The following PARP8 variants were observed in gnomAD, a reference collection of about 807,000 sequenced individuals.
PARP8 encodes poly(ADP-ribose) polymerase family member 8.
PARP8 carries 51 observed loss-of-function variants against 124.1 expected under a neutral mutation model. The observed-to-expected ratio is 0.41, with a 90% CI of 0.33 to 0.52. The LOEUF is 0.52. Among genes scored for constraint, PARP8 ranks in the 20% least tolerant of loss-of-function variants. PARP8 has a pLI of 0.21. For missense variants in PARP8, 860 were observed against 1,018.9 expected (o/e 0.84, Z 2.12); for synonymous variants, 391 against 361.5 (o/e 1.08, Z -0.93).
Position 50,747,087 on chromosome 5 carries a change from T to G in PARP8, c.147-3064T>G, listed in dbSNP as rs180688745. On this transcript the variant is annotated intron_variant, in intron 2 of 25. Transcript: ENST00000281631. ...TTTATGAAATAAAAATGTATCAAAC[T>G]TGGTCTGTTTACTAATCATACTTCT... Among the ~76,000 whole-genome samples the G allele has an allele frequency of 2.0e-4, 30 of 151,872 alleles. No homozygotes were observed. In the East Asian group the frequency reaches 5.0e-3, roughly 25 times the overall value.
intron 14 of PARP8, among the ~76,000 whole-genome samples, chr5:50,803,864 C>CT (rs1205022691): frequency 6.6e-6 from 1 of 151,894 alleles, no homozygotes; most frequent in African/African-American, 2.4e-5. Context: ...CTTCGCATGC[C>CT]TTTTTTATTT....
In PARP8 at chr5:50,759,495, T is replaced by C. The variant is rs1760316903; in HGVS notation, c.185-148T>C. 3 of 857,158 alleles carry C rather than the reference T, an allele frequency of 3.5e-6. No individual in the cohort carries two copies. The East Asian group carries it at 1.0e-4, about 30-fold the overall frequency. 53.1% of individuals were successfully genotyped at this position (857,158 alleles called of 1,614,324 possible). ...ACACATAAATCTGCAATTTACTTTATCATATTTTTTGAGTTTAATCAAACA... is the reference window on the plus strand; with the variant it reads ...ACACATAAATCTGCAATTTACTTTACCATATTTTTTGAGTTTAATCAAACA... On this transcript the variant is annotated intron_variant, in intron 3 of 25. Coordinates refer to ENST00000281631, the MANE Select transcript of PARP8 (RefSeq NM_024615.4).
intron 2 of PARP8, among the ~76,000 whole-genome samples, chr5:50,685,467 C>T (rs1044478551): frequency 6.6e-6 from 1 of 152,184 alleles, no homozygotes; most frequent in Admixed American, 6.5e-5. Flanking sequence ...AGAGGGGGAA[C>T]ATCCTTTCAG....
chr5:50,777,205 TA>T (rs1261384221), intron 7 of PARP8, among the ~76,000 whole-genome samples: 24 of 152,338 alleles, frequency 1.6e-4, no homozygotes, highest in Admixed American at 2.6e-4. Context: ...GAGATGGCAG[TA>T]GTACCTTAGG....
Position 50,733,305 on chromosome 5 carries a change from CA to C in PARP8, c.147-16836del, listed in dbSNP as rs954677810. ...GCTCAAAAAAACAAAAAAACCAAAA[CA>C]AAAAAAAAATAAATGGGCGAAAAAC... is the stretch of plus-strand genomic sequence containing the variant. On this transcript the variant is annotated intron_variant, in intron 2 of 25. Coordinates refer to ENST00000281631, the MANE Select transcript of PARP8 (RefSeq NM_024615.4). Among the ~76,000 whole-genome samples the C allele has an allele frequency of 5.8e-3, 852 of 147,406 alleles. 7 individuals are homozygous for C. The highest frequency in any genetic ancestry group is 0.02 in the African/African-American group (792 of 40,258).
At chr5:50,684,669 C>T (rs1023200445) in intron 2 of PARP8, among the ~76,000 whole-genome samples, 13 of 152,092 alleles carry the variant, frequency 8.5e-5, no homozygotes, top group African/African-American at 3.1e-4. Flanking sequence ...TACTGGTGAA[C>T]CAGTATCTGG....
At position 50,775,495 on chromosome 5, in the gene PARP8, C is replaced by T. The variant is rs112371704; in HGVS notation, c.519-2574C>T. ...ACGGGAGCCCGAGGCAGGGAGGTTGCGGCGAGCCGAGATCAAGGCAGTACG... is the reference window on the plus strand; with the variant it reads ...ACGGGAGCCCGAGGCAGGGAGGTTGTGGCGAGCCGAGATCAAGGCAGTACG... On this transcript the variant is annotated intron_variant, in intron 7 of 25. Coordinates refer to ENST00000281631, the MANE Select transcript of PARP8 (RefSeq NM_024615.4). Among the ~76,000 whole-genome samples the T allele has an allele frequency of 7.6e-3, 1,160 of 151,884 alleles. 19 individuals carry two copies. Among genetic ancestry groups the T allele is most frequent in the African/African-American group, 0.024 (987 of 41,402 alleles).
chr5:50,838,857 C>A (rs1486238997), intron 25 of PARP8, among the ~76,000 whole-genome samples: 1 of 151,952 alleles, frequency 6.6e-6, no homozygotes, highest in African/African-American at 2.4e-5. Flanking sequence ...CCACCTAGAC[C>A]ATTAGCCTAT....
chr5:50,714,460 G>T (rs1755094081), intron 2 of PARP8, among the ~76,000 whole-genome samples: 1 of 151,814 alleles, frequency 6.6e-6, no homozygotes, highest in Non-Finnish European at 1.5e-5. Flanking sequence ...GAACATGCAG[G>T]TTTGTTACAT....
chr5:50,702,461 G>T (rs1753698755), intron 2 of PARP8, among the ~76,000 whole-genome samples: 1 of 152,076 alleles, frequency 6.6e-6, no homozygotes, highest in Non-Finnish European at 1.5e-5. Flanking sequence ...ATGATTTTCA[G>T]GGCTTCTCAT....
intron 2 of PARP8, among the ~76,000 whole-genome samples, chr5:50,723,216 A>C (rs1421292658): frequency 6.6e-6 from 1 of 152,146 alleles, no homozygotes; most frequent in Non-Finnish European, 1.5e-5. Context: ...ATAATTGTGT[A>C]CATCGAAAGT....
At chr5:50,768,416 T>G (rs546944122) in intron 7 of PARP8, among the ~76,000 whole-genome samples, 11 of 152,320 alleles carry the variant, frequency 7.2e-5, no homozygotes, top group Non-Finnish European at 1.6e-4. Flanking sequence ...AAATGTAGAT[T>G]AAAAGAGTAG....
chr5:50,777,232 G>A (rs1465013836), intron 7 of PARP8, among the ~76,000 whole-genome samples: 1 of 152,138 alleles, frequency 6.6e-6, no homozygotes, highest in Non-Finnish European at 1.5e-5. Context: ...TGTGAGTACT[G>A]TATTAAATTA....
chr5:50,696,979 T>G (rs1753099818), intron 2 of PARP8, among the ~76,000 whole-genome samples: 1 of 152,104 alleles, frequency 6.6e-6, no homozygotes, highest in African/African-American at 2.4e-5. Context: ...TTAAGAAGAA[T>G]GAGTCTGTGC....
chr5:50,796,783 G>T (rs71615986), intron 12 of PARP8, among the ~76,000 whole-genome samples, 199 bp from the exon 13 acceptor site: 2 of 152,118 alleles, frequency 1.3e-5, no homozygotes, highest in Non-Finnish European at 2.9e-5. Context: ...GGCAAAAATT[G>T]CATTAGTAAT....
chr5:50,668,254 T>C (rs1431455675), intron 2 of PARP8, 129 bp downstream of exon 2: 3 of 837,740 alleles, frequency 3.6e-6, no homozygotes, highest in Admixed American at 1.9e-5. Flanking sequence ...CTTTACCTGC[T>C]ACCCAAGCCT....
At chr5:50,725,982 G>T (rs1385245270) in intron 2 of PARP8, among the ~76,000 whole-genome samples, 1 of 152,084 alleles carries the variant, frequency 6.6e-6, no homozygotes, top group Non-Finnish European at 1.5e-5. Context: ...AGCCTGAGCT[G>T]TTTATGGTTA....
chr5:50,670,703 A>G (rs1749912103), intron 2 of PARP8, among the ~76,000 whole-genome samples: 1 of 152,332 alleles, frequency 6.6e-6, no homozygotes, highest in South Asian at 2.1e-4. Flanking sequence ...CAGAGAGTTT[A>G]AGACACATAG....
chr5:50,797,363 A>G (rs1742675419), intron 14 of PARP8, 130 bp downstream of exon 14: 1 of 640,106 alleles, frequency 1.6e-6, no homozygotes. Flanking sequence ...TTATTTACAT[A>G]TAATTTTGAC....
Sources: allele counts gnomAD v4.1 joint callset (sites outside exome capture counted in the v4.1 genomes callset), GRCh38; gene constraint gnomAD v4.1.1; transcripts MANE v1.5; gene names NCBI Gene and HGNC (gene_info 2026-07-23, HGNC 2026-07-21).